Variants in SLIT3 observed in about 807,000 individuals in gnomAD.
SLIT3 encodes the protein slit homolog 3 protein.
A neutral mutation model predicts 184.0 loss-of-function variants in SLIT3; 68 were observed. That is an observed-to-expected ratio of 0.37 (90% CI 0.30 to 0.45). The LOEUF (loss-of-function observed/expected upper bound fraction) is 0.45, where lower values mean the gene tolerates loss of function less well. Ranked by LOEUF, SLIT3 falls within the 20% of genes least tolerant of loss-of-function variation. SLIT3 has a pLI of 1.00. For synonymous variants in SLIT3, 831 were observed against 828.6 expected (o/e 1.00, Z -0.05); for missense variants, 1,707 against 2,026.0 (o/e 0.84, Z 3.02).
chr5:169,075,713 C>A (rs1279073929), intron 4 of SLIT3, among the ~76,000 whole-genome samples: 3 of 152,200 alleles, frequency 2.0e-5, no homozygotes, highest in Admixed American at 2.0e-4. Context: ...TGAACCACAG[C>A]ACACTCTTCA....
At chr5:168,869,429 G>A (rs944709547) in intron 5 of SLIT3, among the ~76,000 whole-genome samples, 20 of 152,194 alleles carry the variant, frequency 1.3e-4, no homozygotes, top group African/African-American at 4.8e-4. Flanking sequence ...AGGATTAAGG[G>A]AGATAATAGG....
At chr5:169,016,530 G>C (rs1756381193) in intron 4 of SLIT3, among the ~76,000 whole-genome samples, 1 of 152,180 alleles carries the variant, frequency 6.6e-6, no homozygotes, top group Admixed American at 6.5e-5. Flanking sequence ...CTATTGAGAA[G>C]TCACTCCATT....
At chr5:169,191,310 G>T (rs192686629) in intron 4 of SLIT3, among the ~76,000 whole-genome samples, 5 of 152,288 alleles carry the variant, frequency 3.3e-5, no homozygotes, top group Admixed American at 3.3e-4. Context: ...CACGGACCCA[G>T]CAAGAGATGG....
chr5:168,924,715 G>A (rs1172773032), intron 4 of SLIT3, among the ~76,000 whole-genome samples: 1 of 152,128 alleles, frequency 6.6e-6, no homozygotes, highest in African/African-American at 2.4e-5. Flanking sequence ...GTTTTGCCAT[G>A]TTGCCCAGGC....
At position 168,795,040 on chromosome 5, in the gene SLIT3, T is replaced by C. The variant is rs114075845; in HGVS notation, c.1007+467A>G. ...CAGACTTGGTTTCTGTTCACTGCTC[T>C]ATCCATAGATCCTTGCTTGCAGCAG... On this transcript the variant is annotated intron_variant, in intron 10 of 35. Coordinates refer to ENST00000519560, the MANE Select transcript of SLIT3 (RefSeq NM_003062.4). 6.5e-3 allele frequency among the ~76,000 whole-genome samples: 989 copies of C among 152,360 alleles called. 14 individuals carry two copies. The highest frequency in any genetic ancestry group is 0.065 in the South Asian group (312 of 4,824).
intron 23 of SLIT3, chr5:168,719,926 T>A (rs1442874524): frequency 6.6e-6 from 1 of 152,174 alleles, no homozygotes; most frequent in Non-Finnish European, 1.5e-5. Context: ...CTTTTTTTTT[T>A]CTTTTGAGAC....
chr5:168,730,911 A>C (rs1763271452), intron 20 of SLIT3, among the ~76,000 whole-genome samples: 1 of 152,124 alleles, frequency 6.6e-6, no homozygotes, highest in African/African-American at 2.4e-5. Flanking sequence ...TGAACAACAA[A>C]ACAGAAAAGA....
chr5:168,973,006 T>C (rs1044968805), intron 4 of SLIT3, among the ~76,000 whole-genome samples: 1 of 152,228 alleles, frequency 6.6e-6, no homozygotes, highest in Non-Finnish European at 1.5e-5. Context: ...TGAGAGTAGC[T>C]GGCACAGTCT....
chr5:169,086,214 T>G lies in SLIT3; in HGVS notation c.413+107265A>C, dbSNP rs982297126. On this transcript the variant is annotated intron_variant, in intron 4 of 35. Coordinates refer to ENST00000519560, the MANE Select transcript of SLIT3 (RefSeq NM_003062.4). The stretch of plus-strand genomic sequence containing the variant: ...TAGGCTAACCACCCCATTTTACATA[T>G]GAACAAAATATAAATGACTTGCAAG... Among the ~76,000 whole-genome samples, 4 of 152,170 alleles carry G rather than the reference T, an allele frequency of 2.6e-5. No individual in the cohort carries two copies. In the East Asian group the frequency reaches 7.7e-4, roughly 29 times the overall value.
At chr5:169,209,016 G>A (rs950370955) in intron 3 of SLIT3, among the ~76,000 whole-genome samples, 9 of 152,166 alleles carry the variant, frequency 5.9e-5, no homozygotes, top group African/African-American at 2.2e-4. Context: ...GAGTGAACAG[G>A]CAACTTACAG....
At chr5:169,145,411 T>A (rs1195192966) in intron 4 of SLIT3, among the ~76,000 whole-genome samples, 1 of 152,186 alleles carries the variant, frequency 6.6e-6, no homozygotes, top group Non-Finnish European at 1.5e-5. Flanking sequence ...CATGTGCAGA[T>A]GCTAGAGATG....
At chr5:169,015,645 C>A (rs1012412266) in intron 4 of SLIT3, among the ~76,000 whole-genome samples, 1 of 152,106 alleles carries the variant, frequency 6.6e-6, no homozygotes, top group Non-Finnish European at 1.5e-5. Context: ...GAAAACATTA[C>A]TCTGGCCAGG....
intron 4 of SLIT3, among the ~76,000 whole-genome samples, chr5:169,000,472 C>T (rs1389156597): frequency 6.7e-6 from 1 of 148,514 alleles, no homozygotes; most frequent in Non-Finnish European, 1.5e-5. Flanking sequence ...TCAGTTGCAT[C>T]AACGCTTAAG....
At chr5:169,012,659 C>T (rs373883911) in intron 4 of SLIT3, 4 of 152,210 alleles carry the variant, frequency 2.6e-5, no homozygotes, top group African/African-American at 7.2e-5. Flanking sequence ...ATCCGTGAAA[C>T]CTTTAACAAC....
intron 6 of SLIT3, among the ~76,000 whole-genome samples, chr5:168,825,347 C>A (rs1240244120): frequency 1.3e-5 from 2 of 152,196 alleles, no homozygotes; most frequent in African/African-American, 4.8e-5. Flanking sequence ...CAGTCCAAAG[C>A]AGGATTCCAG....
chr5:169,046,276 C>T (rs187960430), intron 4 of SLIT3, among the ~76,000 whole-genome samples: 1 of 152,244 alleles, frequency 6.6e-6, no homozygotes, highest in Admixed American at 6.5e-5. Context: ...ACATTGTGAG[C>T]ACCAGATGAA....
chr5:168,753,813 C>T (rs1299828017), intron 17 of SLIT3, 51 bp downstream of exon 17: 9 of 1,583,870 alleles, frequency 5.7e-6, no homozygotes, highest in Non-Finnish European at 7.7e-6. Flanking sequence ...AATTCCCCTG[C>T]CCTCCCGTCT....
In SLIT3 at chr5:169,192,423, C is replaced by CTGTGTGTGTG. The variant is rs3038088; in HGVS notation, c.413+1046_413+1055dup. ...TAAAATAAATTTATGTATATAGTCTCTGTGTGTGTGTGTGTGTGTGTGTGT... is the reference window on the plus strand; with the variant it reads ...TAAAATAAATTTATGTATATAGTCTCTGTGTGTGTGTGTGTGTGTGTGTGTGTGTGTGTGT... On this transcript the variant is annotated intron_variant, in intron 4 of 35. Coordinates refer to ENST00000519560, the MANE Select transcript of SLIT3 (RefSeq NM_003062.4). Among the ~76,000 whole-genome samples the CTGTGTGTGTG allele has an allele frequency of 6.5e-3, 965 of 148,264 alleles. 9 individuals carry two copies. Among genetic ancestry groups the CTGTGTGTGTG allele is most frequent in the East Asian group, 0.021 (106 of 5,046 alleles).
intron 4 of SLIT3, among the ~76,000 whole-genome samples, chr5:169,093,477 G>C (rs1203437952): frequency 6.6e-6 from 1 of 151,930 alleles, no homozygotes; most frequent in Non-Finnish European, 1.5e-5. Context: ...GCTTGGGGGT[G>C]GGGGTGGGAG....
Sources: allele counts gnomAD v4.1 joint callset (sites outside exome capture counted in the v4.1 genomes callset), GRCh38; gene constraint gnomAD v4.1.1; transcripts MANE v1.5; gene names NCBI Gene and HGNC (gene_info 2026-07-23, HGNC 2026-07-21).